MGST1: variants seen among roughly 807,000 people sequenced by gnomAD.
MGST1 encodes the protein microsomal glutathione S-transferase 1.
A neutral mutation model predicts 8.9 loss-of-function variants in MGST1; 5 were observed. The observed-to-expected ratio is 0.56, with a 90% CI of 0.29 to 1.19. The LOEUF (loss-of-function observed/expected upper bound fraction) is 1.19. Among genes scored for constraint, MGST1 ranks in the 50% most tolerant of loss-of-function variants. MGST1 has a pLI of 0.08. For missense variants in MGST1, 182 were observed against 187.4 expected, an observed-to-expected ratio of 0.97 and a Z score of 0.17; for synonymous variants, 54 against 67.8, an observed-to-expected ratio of 0.80 and a Z score of 1.00.
chr12:16,477,351 T>TA (rs1262780957), intron 4 of MGST1, among the ~76,000 whole-genome samples: 2 of 152,140 alleles, frequency 1.3e-5, no homozygotes, highest in East Asian at 3.9e-4. Context: ...ATAGATAGCC[T>TA]AAAAAATGAC....
intron 4 of MGST1, among the ~76,000 whole-genome samples, chr12:16,528,576 C>T (rs1160350945): frequency 6.6e-6 from 1 of 151,978 alleles, no homozygotes; most frequent in Non-Finnish European, 1.5e-5. Flanking sequence ...AATAGTCACT[C>T]ATGATGAATT....
At chr12:16,421,068 C>T (rs941031736) in intron 1 of MGST1, among the ~76,000 whole-genome samples, 8 of 152,198 alleles carry the variant, frequency 5.3e-5, no homozygotes, top group South Asian at 2.1e-4. Context: ...CCATCCTTGG[C>T]GGCCATCTCT....
intron 1 of MGST1, among the ~76,000 whole-genome samples, chr12:16,416,909 C>T (rs1940791735): frequency 1.3e-5 from 2 of 152,074 alleles, no homozygotes; most frequent in South Asian, 2.1e-4. Flanking sequence ...TGCAGTATAT[C>T]CAGATCAAAA....
intron 4 of MGST1, among the ~76,000 whole-genome samples, chr12:16,472,867 A>G (rs1434941539): frequency 1.3e-5 from 2 of 152,176 alleles, no homozygotes; most frequent in Non-Finnish European, 2.9e-5. Flanking sequence ...TCCTAAAATA[A>G]GAGAAAGAAT....
intron 4 of MGST1, among the ~76,000 whole-genome samples, chr12:16,564,925 AC>A (rs1210553554): frequency 6.6e-6 from 1 of 152,132 alleles, no homozygotes; most frequent in Non-Finnish European, 1.5e-5. Flanking sequence ...AGCTGGGACC[AC>A]AAGTGCATAT....
chr12:16,471,747 A>G (rs1331112467), intron 4 of MGST1, among the ~76,000 whole-genome samples: 1 of 152,210 alleles, frequency 6.6e-6, no homozygotes, highest in Non-Finnish European at 1.5e-5. Context: ...ATGCTGGGTG[A>G]TTAATAGGTT....
rs138546846 is a variant in MGST1 at position 16,546,968 on chromosome 12, T to A, written n.483-42560T>A. On this transcript the variant is annotated intron_variant and non_coding_transcript_variant, in intron 4 of 4. Coordinates refer to the MGST1 transcript ENST00000538857. The surrounding 1 kb of genome is among the most constrained non-coding windows in gnomAD (Gnocchi z 4.7). ...GTGTGTATACTAAAGCGTTGTAAAA[T>A]TGACTCAAGTGTTTTAGCAGCTATT... Among the ~76,000 whole-genome samples, 2 of 152,304 alleles carry A rather than the reference T, an allele frequency of 1.3e-5. No homozygotes were observed. Among genetic ancestry groups the A allele is most frequent in the East Asian group, 3.9e-4 (2 of 5,186 alleles).
intron 4 of MGST1, among the ~76,000 whole-genome samples, chr12:16,499,138 T>G (rs1005698152): frequency 6.6e-6 from 1 of 152,212 alleles, no homozygotes; most frequent in African/African-American, 2.4e-5. Context: ...ATCTCTCCCC[T>G]TTAAGTATTT....
At chr12:16,372,883 ATAT>A (rs1940317889) in intron 3 of MGST1, among the ~76,000 whole-genome samples, 1 of 147,884 alleles carries the variant, frequency 6.8e-6, no homozygotes, top group Non-Finnish European at 1.5e-5. Context: ...TATATATTAC[ATAT>A]TATGTAGTAT....
chr12:16,352,118 TTTC>T (rs887197254), intron 1 of MGST1, among the ~76,000 whole-genome samples: 4 of 152,224 alleles, frequency 2.6e-5, no homozygotes, highest in South Asian at 2.1e-4. Flanking sequence ...TAATTCCCTT[TTTC>T]TTCTTTTGTG....
chr12:16,517,434 T>C lies in MGST1; in HGVS notation n.483-72094T>C, dbSNP rs1020125203. On this transcript the variant is annotated intron_variant and non_coding_transcript_variant, in intron 4 of 4. Coordinates refer to the MGST1 transcript ENST00000538857. The surrounding 1 kb of genome is among the most constrained non-coding windows in gnomAD (Gnocchi z 4.2). ...CTTTTGCCTTGTGATGCCTCCTGCC[T>C]TCTGACACAGCAAGAAGGCCTGTAC... Among the ~76,000 whole-genome samples, 7 of 137,430 alleles carry C rather than the reference T, an allele frequency of 5.1e-5. No homozygotes were observed. Among genetic ancestry groups the C allele is most frequent in the Non-Finnish European group, 8.8e-5 (6 of 67,886 alleles). 90.2% of individuals were successfully genotyped at this position (137,430 alleles called of 152,430 possible).
chr12:16,360,415 CAT>C, intron 3 of MGST1: 1 of 952,024 alleles, frequency 1.1e-6, no homozygotes, highest in Non-Finnish European at 1.3e-6. Context: ...AATACATACA[CAT>C]ATGGAACAAT....
intron 1 of MGST1, chr12:16,400,070 C>G: frequency 1.9e-6 from 3 of 1,584,260 alleles, no homozygotes; most frequent in Non-Finnish European, 2.6e-6. Flanking sequence ...AGAGCCTCTA[C>G]TTTCTCCATG....
rs1403877995 is a variant in MGST1, at chr12:16,547,042, AAATATACC to A, written n.483-42485_483-42478del. ...TCTTACATCTTGATTATAAAAGTAA[AAATATACC>A]TTTCTGAATAATACTTTTCTAATAG... is the stretch of plus-strand genomic sequence containing the variant. On this transcript the variant is annotated intron_variant and non_coding_transcript_variant, in intron 4 of 4. Coordinates refer to the MGST1 transcript ENST00000538857. This position sits in a 1 kb window ranked among gnomAD's most constrained non-coding sequence, Gnocchi z 4.6. 6.6e-6 allele frequency among the ~76,000 whole-genome samples: 1 copy of A among 152,170 alleles called. No homozygotes were observed.
intron 4 of MGST1, among the ~76,000 whole-genome samples, chr12:16,481,050 C>A (rs1474721465): frequency 6.6e-6 from 1 of 152,038 alleles, no homozygotes; most frequent in South Asian, 2.1e-4. Flanking sequence ...TGATCTCTAG[C>A]CTAGGCTTCA....
At chr12:16,356,020 C>CAG (rs560456497) in intron 2 of MGST1, among the ~76,000 whole-genome samples, 21 of 150,490 alleles carry the variant, frequency 1.4e-4, no homozygotes, top group East Asian at 1.2e-3. Context: ...TGGCAGAGCA[C>CAG]AGAGAGAGAG....
rs530551150 is a variant in MGST1, at chr12:16,562,185, G to T, written n.483-27343G>T. On this transcript the variant is annotated intron_variant and non_coding_transcript_variant, in intron 4 of 4. Transcript: ENST00000538857. ...CTTTCATCCTATTCATTTGTAAGGA[G>T]AATTTTTTAGTTCATTCTAACATTT... 2.6e-5 allele frequency among the ~76,000 whole-genome samples: 4 copies of T among 152,234 alleles called. No individual in the cohort carries two copies. In the South Asian group the frequency reaches 8.3e-4, roughly 32 times the overall value.
chr12:16,400,827 T>C (rs1002660461), intron 1 of MGST1: 5 of 1,231,800 alleles, frequency 4.1e-6, no homozygotes, highest in Non-Finnish European at 6.0e-6. Flanking sequence ...TCATATTTCT[T>C]ATCGATGTAG....
At chr12:16,400,865 T>A (rs1280279849) in intron 1 of MGST1, 1 of 1,176,178 alleles carries the variant, frequency 8.5e-7, no homozygotes, top group Non-Finnish European at 1.3e-6. Flanking sequence ...ATGTGGTTCC[T>A]TAGGCATCAG....
Sources: allele counts gnomAD v4.1 joint callset (sites outside exome capture counted in the v4.1 genomes callset), GRCh38; gene constraint gnomAD v4.1.1; non-coding constraint Gnocchi (gnomAD v3.1); transcripts MANE v1.5; gene names NCBI Gene and HGNC (gene_info 2026-07-23, HGNC 2026-07-21).